Variants in GUSB observed in about 807,000 individuals in gnomAD.
GUSB encodes the protein beta-glucuronidase.
GUSB carries 51 observed loss-of-function variants against 74.6 expected under a neutral mutation model. The observed-to-expected ratio is 0.68, with a 90% CI of 0.55 to 0.86. The LOEUF is 0.86. Among genes scored for constraint, GUSB ranks in the 40% least tolerant of loss-of-function variants. The pLI, the probability that GUSB is intolerant of heterozygous loss-of-function variation, is 0.00. For missense variants in GUSB, 736 were observed against 853.7 expected, an observed-to-expected ratio of 0.86 and a Z score of 1.72; for synonymous variants, 360 against 348.3, an observed-to-expected ratio of 1.03 and a Z score of -0.37.
intron 10 of GUSB, among the ~76,000 whole-genome samples, chr7:65,965,186 A>C (rs1324691778): frequency 6.6e-6 from 1 of 152,114 alleles, no homozygotes; most frequent in African/African-American, 2.4e-5. Flanking sequence ...CAGGAGGATC[A>C]CTTCAGCCCA....
At chr7:65,961,874 T>C (rs1348843896) in intron 11 of GUSB, among the ~76,000 whole-genome samples, 7 of 152,000 alleles carry the variant, frequency 4.6e-5, no homozygotes, top group East Asian at 1.9e-4. Flanking sequence ...TGGTGGTGGG[T>C]GCCTGTGGTC....
Position 65,974,543 on chromosome 7 carries a change from G to T in GUSB, c.1227C>A (p.Gly409=). The change falls in exon 7 of 12, where the codon GGC becomes GGA. Residue 409 remains glycine (G), a synonymous_variant. Coordinates refer to ENST00000304895, the MANE Select transcript of GUSB (RefSeq NM_000181.4). ...YGIVVIDECP[G]VGLALPQFFN... ...AGACTCACGGCAGCGCCAGGCCCAC[G>T]CCGGGACACTCATCGATGACCACAA... is the stretch of plus-strand genomic sequence containing the variant. 2 of 1,614,182 alleles carry T rather than the reference G, an allele frequency of 1.2e-6. No individual in the cohort carries two copies. Among genetic ancestry groups the T allele is most frequent in the South Asian group, 2.2e-5 (2 of 91,086 alleles).
chr7:65,979,851 T>C lies in GUSB; in HGVS notation c.457A>G (p.Ile153Val), dbSNP rs1791869621. Residue 153 changes from isoleucine (I) to valine (V), a missense_variant, in exon 3 of 12, where the codon ATC becomes GTC. Around this residue, in one of 2 missense-constraint regions of GUSB, gnomAD observed 368 missense variants for 363.8 expected, o/e 1.01. Transcript: ENST00000304895. ...EGGYLPFEAD[I>V]SNLVQVGPLP... is the part of the protein sequence containing the mutation. ...GGCCCCACCTGGACCAGGTTGCTGA[T>C]GTCGGCCTCGAAGGGGAGGTAGCCC... 6.2e-7 allele frequency: 1 copy of C among 1,613,396 alleles called. No individual in the cohort carries two copies. Among genetic ancestry groups the C allele is most frequent in the Non-Finnish European group, 8.5e-7 (1 of 1,179,918 alleles).
intron 1 of GUSB, chr7:65,980,874 C>T: frequency 4.3e-6 from 1 of 233,008 alleles, no homozygotes. Context: ...CAGGCAAAAG[C>T]CGCCCAGACC....
In GUSB at chr7:65,964,369, C is replaced by T. The variant is rs1306139954; in HGVS notation, c.1743G>A (p.Val581=). ...CAAAATTCCAAATGAGCTCTCCAAC[C>T]ACGTATTTTCTGCGTTTTTGATCCA... The part of the protein sequence containing the change: ...LGLDQKRRKY[V]VGELIWNFAD... The change falls in exon 11 of 12, where the codon GTG becomes GTA. Residue 581 remains valine (V), a synonymous_variant. Coordinates refer to ENST00000304895, the MANE Select transcript of GUSB (RefSeq NM_000181.4). The T allele has an allele frequency of 1.1e-5, 17 of 1,611,868 alleles. No homozygotes were observed. Among genetic ancestry groups the T allele is most frequent in the Non-Finnish European group, 1.4e-5 (17 of 1,179,728 alleles).
At chr7:65,974,776 G>A (rs1279692430) in intron 6 of GUSB, 72 bp from the exon 7 acceptor site, 2 of 1,578,966 alleles carry the variant, frequency 1.3e-6, no homozygotes, top group African/African-American at 2.7e-5. Flanking sequence ...CAGGACCCTG[G>A]AGAGCCACCC....
At chr7:65,972,551 C>T (rs1323075399) in intron 8 of GUSB, among the ~76,000 whole-genome samples, 3 of 152,106 alleles carry the variant, frequency 2.0e-5, no homozygotes, top group Admixed American at 6.6e-5. Flanking sequence ...TCTGCCTATC[C>T]GAAGGCTGTG....
chr7:65,968,456 C>T (rs1790986662), intron 9 of GUSB, among the ~76,000 whole-genome samples: 1 of 152,174 alleles, frequency 6.6e-6, no homozygotes, highest in Admixed American at 6.6e-5. Flanking sequence ...CAGCCCTCAG[C>T]CAAAGCCCAG....
At chr7:65,972,203 C>T (rs1791258840) in intron 8 of GUSB, among the ~76,000 whole-genome samples, 1 of 151,994 alleles carries the variant, frequency 6.6e-6, no homozygotes, top group Admixed American at 6.6e-5. Context: ...ACTCTGTAGC[C>T]CAGGCTGGAG....
chr7:65,967,695 A>C, intron 10 of GUSB, 36 bp downstream of exon 10: 1 of 1,572,130 alleles, frequency 6.4e-7, no homozygotes, highest in East Asian at 2.2e-5. Flanking sequence ...CTCTGCCCTG[A>C]GAGAACACAC....
intron 2 of GUSB, 76 bp from the exon 3 acceptor site, chr7:65,979,987 C>T: frequency 8.1e-7 from 1 of 1,239,926 alleles, no homozygotes; most frequent in South Asian, 1.3e-5. Flanking sequence ...GGCACTCCCT[C>T]ACATAACCTG....
intron 10 of GUSB, among the ~76,000 whole-genome samples, chr7:65,967,309 C>A (rs1470219415): frequency 1.3e-5 from 2 of 152,124 alleles, no homozygotes; most frequent in Admixed American, 6.5e-5. Flanking sequence ...AAAAAATTAG[C>A]CAGGCGTGTT....
intron 4 of GUSB, among the ~76,000 whole-genome samples, chr7:65,978,094 G>A (rs1791711520): frequency 6.6e-6 from 1 of 152,120 alleles, no homozygotes; most frequent in Non-Finnish European, 1.5e-5. Context: ...ACAGGCATGA[G>A]CCACCGCGCC....
chr7:65,963,513 C>T (rs1790635640), intron 11 of GUSB, among the ~76,000 whole-genome samples: 1 of 152,176 alleles, frequency 6.6e-6, no homozygotes, highest in Admixed American at 6.6e-5. Flanking sequence ...CTCATCCATC[C>T]TCACAAGACA....
In GUSB at chr7:65,974,360, C is replaced by T. The variant is rs1226319325; in HGVS notation, c.1326G>A (p.Ala442=). The T allele has an allele frequency of 1.9e-6, 3 of 1,614,032 alleles. No individual in the cohort carries two copies. Among genetic ancestry groups the T allele is most frequent in the East Asian group, 2.2e-5 (1 of 44,880 alleles). The part of the protein sequence containing the change: ...EVVRRDKNHP[A]VVMWSVANEP... The stretch of plus-strand genomic sequence containing the variant: ...CGTTGGCCACAGACCACATCACGAC[C>T]GCGGGGTGGTTCTTGTCCCTACGCA... The change falls in exon 8 of 12, where the codon GCG becomes GCA. Residue 442 remains alanine (A), a synonymous_variant. Transcript: ENST00000304895.
In GUSB at chr7:65,964,330, A is replaced by G. The variant is rs1459112993; in HGVS notation, c.1782T>C (p.Thr594=). 6 of 1,611,878 alleles carry G rather than the reference A, an allele frequency of 3.7e-6. No individual in the cohort carries two copies. The highest frequency in any genetic ancestry group is 5.1e-6 in the Non-Finnish European group (6 of 1,179,668). Residue 594 remains threonine (T), a synonymous_variant, in exon 11 of 12, where the codon ACT becomes ACC. Transcript: ENST00000304895. The part of the protein sequence containing the change: ...ELIWNFADFM[T]EQSPTRVLGN... Reference sequence around the variant, plus strand: ...AGCCAAACTGCCACTTACACTGTTCAGTCATGAAATCGGCAAAATTCCAAA... The same window carrying G: ...AGCCAAACTGCCACTTACACTGTTCGGTCATGAAATCGGCAAAATTCCAAA...
chr7:65,981,614 T>A (rs1792028061), intron 1 of GUSB, among the ~76,000 whole-genome samples: 1 of 151,488 alleles, frequency 6.6e-6, no homozygotes, highest in Non-Finnish European at 1.5e-5. Flanking sequence ...TCGCTTGAGC[T>A]CAGAAGTTAG....
Position 65,979,451 on chromosome 7 carries a change from G to A in GUSB, c.672C>T (p.Pro224=). The A allele has an allele frequency of 6.2e-7, 1 of 1,613,934 alleles. No individual in the cohort carries two copies. Among genetic ancestry groups the A allele is most frequent in the Non-Finnish European group, 8.5e-7 (1 of 1,179,830 alleles). ...CGGTGATGTCATCGATGTAGGTGGT[G>A]GGTGTCGTGTACAGAAGTACAGACC... The part of the protein sequence containing the change: ...LQRSVLLYTT[P]TTYIDDITVT... Residue 224 remains proline, a synonymous_variant, in exon 4 of 12, where the codon CCC becomes CCT. Transcript: ENST00000304895.
chr7:65,980,184 T>TCCCCCCCCCCCCCCCCCCCCCCCCCC, intron 2 of GUSB, 40 bp downstream of exon 2: 6 of 720,098 alleles, frequency 8.3e-6, no homozygotes, highest in South Asian at 4.7e-5. Context: ...TCAGCAGCCG[T>TCCCCCCCCCCCCCCCCCCCCCCCCCC]GCCCCCCCAC....
Sources: allele counts gnomAD v4.1 joint callset (sites outside exome capture counted in the v4.1 genomes callset), GRCh38; gene constraint gnomAD v4.1.1; regional missense constraint gnomAD v4.1.1; transcripts MANE v1.5; gene names NCBI Gene and HGNC (gene_info 2026-07-23, HGNC 2026-07-21).